Variants in FOXJ3 observed in about 807,000 individuals in gnomAD.
The protein encoded by FOXJ3 is forkhead box J3.
A neutral mutation model predicts 76.1 loss-of-function variants in FOXJ3; 22 were observed. The observed-to-expected ratio is 0.29, with a 90% CI of 0.21 to 0.41. The LOEUF (loss-of-function observed/expected upper bound fraction) is 0.41, where lower values mean the gene tolerates loss of function less well. Among genes scored for constraint, FOXJ3 ranks in the 10% least tolerant of loss-of-function variants. FOXJ3 has a pLI of 1.00. For missense variants in FOXJ3, 613 were observed against 762.1 expected (o/e 0.80, Z 2.30); for synonymous variants, 269 against 261.2 (o/e 1.03, Z -0.29).
At chr1:42,193,440 G>T (rs1208191153) in intron 8 of FOXJ3, among the ~76,000 whole-genome samples, 3 of 150,034 alleles carry the variant, frequency 2.0e-5, no homozygotes, top group Admixed American at 2.0e-4. Flanking sequence ...ATGGAATTAT[G>T]GGCTTCAGAA....
At chr1:42,190,959 AGC>A (rs1349619039) in intron 9 of FOXJ3, among the ~76,000 whole-genome samples, 1 of 152,228 alleles carries the variant, frequency 6.6e-6, no homozygotes, top group Non-Finnish European at 1.5e-5. Flanking sequence ...TATGATCTTA[AGC>A]AAATTACTTA....
intron 2 of FOXJ3, among the ~76,000 whole-genome samples, chr1:42,307,853 C>G (rs1654561665): frequency 6.6e-6 from 1 of 152,100 alleles, no homozygotes; most frequent in Non-Finnish European, 1.5e-5. Context: ...ATATGTACTA[C>G]TTTTTAATCA....
intron 1 of FOXJ3, among the ~76,000 whole-genome samples, chr1:42,323,488 T>C (rs1655553552): frequency 6.6e-6 from 1 of 152,144 alleles, no homozygotes; most frequent in Admixed American, 6.6e-5. Context: ...CTAACTTGCA[T>C]TGTGCTTCCT....
intron 3 of FOXJ3, among the ~76,000 whole-genome samples, chr1:42,273,615 C>A (rs1652031279): frequency 7.2e-6 from 1 of 139,850 alleles, no homozygotes; most frequent in African/African-American, 2.7e-5. Context: ...GTAGAGCTTG[C>A]AGTGAGCCGA....
chr1:42,259,366 A>G (rs1324522280), intron 4 of FOXJ3, among the ~76,000 whole-genome samples: 1 of 152,216 alleles, frequency 6.6e-6, no homozygotes, highest in African/African-American at 2.4e-5. Flanking sequence ...AAATTTCACC[A>G]TATATAATTT....
chr1:42,273,444 T>G (rs1652011281), intron 3 of FOXJ3, among the ~76,000 whole-genome samples: 1 of 151,848 alleles, frequency 6.6e-6, no homozygotes, highest in African/African-American at 2.4e-5. Context: ...GAGGCCAAGG[T>G]AGACAGATCA....
At chr1:42,231,243 G>A (rs772343892) in intron 4 of FOXJ3, among the ~76,000 whole-genome samples, 42 of 151,930 alleles carry the variant, frequency 2.8e-4, no homozygotes, top group African/African-American at 5.8e-4. Context: ...GGAGAATGGC[G>A]TGAACCCAGA....
chr1:42,195,064 C>A lies in FOXJ3; in HGVS notation c.760G>T (p.Val254Leu). ...GAGACTGATTCTGGATGGCTTGTCA[C>A]CTAACATTAAAAGAAAACACAACTA... ...SVGSVHSYTP[V>L]TSHPESVSQS... The change falls in exon 8 of 13, where the codon GTG becomes TTG. Residue 254 changes from valine to leucine, a missense_variant and splice_region_variant. Val to Leu is a conservative substitution (Grantham distance 32). Coordinates refer to ENST00000361346, the MANE Select transcript of FOXJ3 (RefSeq NM_014947.5). The A allele has an allele frequency of 1.9e-6, 3 of 1,591,258 alleles. No homozygotes were observed. The highest frequency in any genetic ancestry group is 2.6e-6 in the Non-Finnish European group (3 of 1,172,328).
At chr1:42,217,100 A>G (rs1028583104) in intron 5 of FOXJ3, among the ~76,000 whole-genome samples, 2 of 152,246 alleles carry the variant, frequency 1.3e-5, no homozygotes, top group Admixed American at 6.5e-5. Context: ...TGCAGATGAC[A>G]CAATTACTTA....
chr1:42,246,804 T>C (rs530644177), intron 4 of FOXJ3, among the ~76,000 whole-genome samples: 93 of 152,230 alleles, frequency 6.1e-4, no homozygotes, highest in Non-Finnish European at 1.1e-3. Context: ...TATCCATCAA[T>C]GGCTGAATGG....
intron 11 of FOXJ3, among the ~76,000 whole-genome samples, chr1:42,182,317 CA>C (rs1646341105): frequency 1.3e-5 from 2 of 152,146 alleles, no homozygotes; most frequent in African/African-American, 4.8e-5. Context: ...CATTACAATT[CA>C]AAAGTATTTT....
At chr1:42,307,469 GTT>G (rs1654538699) in intron 2 of FOXJ3, among the ~76,000 whole-genome samples, 1 of 152,144 alleles carries the variant, frequency 6.6e-6, no homozygotes, top group African/African-American at 2.4e-5. Context: ...TGATACTTTA[GTT>G]TTGTTTTTAT....
intron 3 of FOXJ3, among the ~76,000 whole-genome samples, chr1:42,271,393 T>C (rs1196218631): frequency 1.3e-5 from 2 of 152,106 alleles, no homozygotes; most frequent in Non-Finnish European, 2.9e-5. Context: ...TATTTCCTTC[T>C]ACATCCTTTC....
chr1:42,177,235 G>A lies in FOXJ3; in HGVS notation c.*2475C>T, dbSNP rs542344349. On this transcript the variant is annotated 3_prime_UTR_variant, in exon 13 of 13. Coordinates refer to ENST00000361346, the MANE Select transcript of FOXJ3 (RefSeq NM_014947.5). The stretch of plus-strand genomic sequence containing the variant: ...TGGGATGGGTCTGGGTGAAGGCTTT[G>A]CCTCCATGGCCATTCTTGCTAAGTT... 1 of 152,772 alleles carries A rather than the reference G, an allele frequency of 6.5e-6. No homozygotes were observed. Among genetic ancestry groups the A allele is most frequent in the East Asian group, 1.9e-4 (1 of 5,190 alleles). 9.5% of individuals were successfully genotyped at this position (152,772 alleles called of 1,614,324 possible). A position where few individuals can be genotyped will look rare whatever the true frequency, so the allele number is the denominator to read the frequency against.
chr1:42,208,636 A>G (rs1478256597), intron 5 of FOXJ3, among the ~76,000 whole-genome samples: 4 of 152,226 alleles, frequency 2.6e-5, no homozygotes, highest in African/African-American at 9.6e-5. Context: ...GGAACAAGAC[A>G]ATGATACCCA....
chr1:42,250,236 A>C (rs781447498), intron 4 of FOXJ3, among the ~76,000 whole-genome samples: 1 of 152,180 alleles, frequency 6.6e-6, no homozygotes, highest in Non-Finnish European at 1.5e-5. Context: ...CAACTCTTCT[A>C]ATTATTTTGT....
chr1:42,262,854 T>C (rs1362896261), intron 4 of FOXJ3, among the ~76,000 whole-genome samples: 3 of 152,004 alleles, frequency 2.0e-5, no homozygotes, highest in African/African-American at 7.2e-5. Context: ...GTCTCAAAAT[T>C]AACAAACAAA....
intron 4 of FOXJ3, among the ~76,000 whole-genome samples, chr1:42,231,620 T>C (rs1287345556): frequency 6.6e-6 from 1 of 152,192 alleles, no homozygotes; most frequent in African/African-American, 2.4e-5. Flanking sequence ...ATGATTCAAA[T>C]GGTAAGAATT....
In FOXJ3 at chr1:42,194,819, G is replaced by A. The variant is rs1399143368; in HGVS notation, c.934+71C>T. The A allele has an allele frequency of 8.6e-6, 8 of 930,574 alleles. No individual in the cohort carries two copies. In the East Asian group the frequency reaches 1.7e-4, roughly 20 times the overall value. The allele number at this position is 930,574 out of a possible 1,614,324, so 57.6% of individuals were successfully genotyped here. On this transcript the variant is annotated intron_variant, in intron 8 of 12. Coordinates refer to ENST00000361346, the MANE Select transcript of FOXJ3 (RefSeq NM_014947.5). The stretch of plus-strand genomic sequence containing the variant: ...TTCTAAGATTAAGAGTATAACAGCT[G>A]CCATGTGAAATAATTTAAAAACCTT...
Sources: gnomAD v4.1 joint callset for allele counts (sites outside exome capture counted in the v4.1 genomes callset) on GRCh38, gnomAD v4.1.1 for gene constraint, MANE v1.5 for transcripts, NCBI Gene and HGNC (gene_info 2026-07-23, HGNC 2026-07-21) for gene names.